The following RRBP1 variants were observed in gnomAD, a reference collection of about 807,000 sequenced individuals.
RRBP1 encodes the protein ribosome-binding protein 1.
Under a neutral mutation model 165.2 loss-of-function variants are expected in RRBP1, and 94 were observed. The ratio of observed to expected loss-of-function variants is 0.57; its 90% CI spans 0.48 to 0.68. The LOEUF is 0.68. Among genes scored for constraint, RRBP1 ranks in the 30% least tolerant of loss-of-function variants. RRBP1 has a pLI of 0.00. For synonymous variants in RRBP1, 680 were observed against 714.5 expected (o/e 0.95, Z 0.77); for missense variants, 1,676 against 1,763.0 (o/e 0.95, Z 0.88).
intron 24 of RRBP1, among the ~76,000 whole-genome samples, chr20:17,614,499 C>T (rs1397172172): frequency 6.6e-6 from 1 of 152,122 alleles, no homozygotes; most frequent in Non-Finnish European, 1.5e-5. Context: ...GGGGATCAGA[C>T]ACTCGCTTCC....
chr20:17,656,315 G>A (rs1187247740), intron 3 of RRBP1, among the ~76,000 whole-genome samples: 1 of 152,200 alleles, frequency 6.6e-6, no homozygotes, highest in Admixed American at 6.5e-5. Context: ...GCCCTGCGTG[G>A]CTGTGTGTCA....
chr20:17,622,000 C>A, intron 13 of RRBP1, 53 bp from the exon 14 acceptor site: 1 of 1,394,176 alleles, frequency 7.2e-7, no homozygotes, highest in Non-Finnish European at 1.0e-6. Flanking sequence ...AGGTGTGGGG[C>A]ACCTCCCCAG....
chr20:17,660,629 T>C, intron 2 of RRBP1, 101 bp from the exon 3 acceptor site: 1 of 717,564 alleles, frequency 1.4e-6, no homozygotes, highest in East Asian at 2.5e-5. Flanking sequence ...TAATTCTTTC[T>C]TCAGGCTAAT....
rs764805673 is a variant in RRBP1 at position 17,658,846 on chromosome 20, A to T, written c.1662T>A (p.Ala554=). 6.2e-7 allele frequency: 1 copy of T among 1,613,856 alleles called. No homozygotes were observed. Among genetic ancestry groups the T allele is most frequent in the Non-Finnish European group, 8.5e-7 (1 of 1,179,884 alleles). Residue 554 remains alanine (A), a synonymous_variant, in exon 3 of 25, where the codon GCT becomes GCA. Transcript: ENST00000377813. ...PIQGKKADSV[A]NQGTKVEGIT... ...TACCCTCTACCTTTGTGCCCTGATT[A>T]GCAACCGAATCTGCCTTTTTGCCCT...
chr20:17,617,132 G>C (rs896020234), intron 20 of RRBP1, among the ~76,000 whole-genome samples: 5 of 152,236 alleles, frequency 3.3e-5, no homozygotes, highest in African/African-American at 1.2e-4. Flanking sequence ...GGCCCACAGA[G>C]CAAAGGAATC....
At chr20:17,678,042 G>T (rs1319833908) in intron 2 of RRBP1, among the ~76,000 whole-genome samples, 1 of 152,154 alleles carries the variant, frequency 6.6e-6, no homozygotes, top group Non-Finnish European at 1.5e-5. Flanking sequence ...AAATGTTCTT[G>T]ATAAGTTAAA....
chr20:17,628,059 A>G (rs1012911689), intron 9 of RRBP1, among the ~76,000 whole-genome samples: 5 of 151,406 alleles, frequency 3.3e-5, no homozygotes, highest in African/African-American at 1.2e-4. Context: ...CCACTGCCAC[A>G]CCTCCCCCAC....
intron 2 of RRBP1, among the ~76,000 whole-genome samples, chr20:17,670,405 T>C (rs2036953901): frequency 1.3e-5 from 2 of 149,338 alleles, no homozygotes; most frequent in African/African-American, 4.9e-5. Flanking sequence ...GATTCTTTTT[T>C]TTTTTTCATT....
rs772763744 is a variant in RRBP1, at chr20:17,621,939, C to A, written c.3156G>T (p.Ser1052=). 4 of 1,612,448 alleles carry A rather than the reference C, an allele frequency of 2.5e-6. No individual in the cohort carries two copies. Among genetic ancestry groups the A allele is most frequent in the Non-Finnish European group, 2.5e-6 (3 of 1,179,138 alleles). The change falls in exon 14 of 25, where the codon TCG becomes TCT. Residue 1052 remains serine, a synonymous_variant. Coordinates refer to ENST00000377813, the MANE Select transcript of RRBP1 (RefSeq NM_001365613.2). ...CCTCAATCAGACAGAGCTGCTTCTC[C>A]GATTCCTCCTGGGGGGTGGGTGGGG... ...LLSLTQAKEE[S]EKQLCLIEAQ...
rs1417974757 is a variant in RRBP1, at chr20:17,660,085, C to G, written c.423G>C (p.Lys141Asn). 2 of 1,613,918 alleles carry G rather than the reference C, an allele frequency of 1.2e-6. No homozygotes were observed. Among genetic ancestry groups the G allele is most frequent in the South Asian group, 1.1e-5 (1 of 91,040 alleles). Residue 141 changes from lysine to asparagine, a missense_variant, in exon 3 of 25, where the codon AAG becomes AAC. Coordinates refer to ENST00000377813, the MANE Select transcript of RRBP1 (RefSeq NM_001365613.2). ...CCACTTTTGCCACTTTTTTCTCCTT[C>G]TTCTTTTTGTCCTTGGGGGAGGAGG... is the stretch of plus-strand genomic sequence containing the variant. ...KLASSPKDKK[K>N]KEKKVAKVEP...
intron 5 of RRBP1, chr20:17,641,432 T>TA (rs1402556631): frequency 3.9e-6 from 1 of 256,294 alleles, no homozygotes; most frequent in Non-Finnish European, 7.6e-6. Context: ...CACCCTCCTT[T>TA]CCAGGCACAG....
At chr20:17,635,404 G>A in intron 7 of RRBP1, 142 bp downstream of exon 7, 2 of 634,682 alleles carry the variant, frequency 3.2e-6, no homozygotes, top group South Asian at 4.3e-5. Context: ...AACCCAGACG[G>A]GAGATGGAAG....
chr20:17,627,326 G>A, intron 11 of RRBP1, 22 bp downstream of exon 11: 1 of 1,611,896 alleles, frequency 6.2e-7, no homozygotes, highest in Non-Finnish European at 8.5e-7. Context: ...AAGTGAGCAG[G>A]CAGGCTGCTT....
In RRBP1 at chr20:17,632,907, T is replaced by G. The variant is rs559385839; in HGVS notation, c.2610+553A>C. 5.3e-5 allele frequency among the ~76,000 whole-genome samples: 8 copies of G among 152,202 alleles called. No homozygotes were observed. The East Asian group carries it at 1.6e-3, about 30-fold the overall frequency. On this transcript the variant is annotated intron_variant, in intron 8 of 24. Coordinates refer to ENST00000377813, the MANE Select transcript of RRBP1 (RefSeq NM_001365613.2). ...AGGCACCCTCCTGGGAAAAAAGGCCTCAAGGCCACACCCAGAAGCTGAGAA... is the reference window on the plus strand; with the variant it reads ...AGGCACCCTCCTGGGAAAAAAGGCCGCAAGGCCACACCCAGAAGCTGAGAA...
At position 17,629,951 on chromosome 20, in the gene RRBP1, C is replaced by CTG; in HGVS notation, c.2619_2620dup (p.Arg874ThrfsTer64). On this transcript the variant is annotated frameshift_variant, in exon 9 of 25. Transcript: ENST00000377813. LOFTEE classifies it high-confidence loss of function. ...CTTCTGCAGGGCCTCCTCACTCTCC[C>CTG]TGTGGGACGCCTGGGGACGGGCAGG... is the stretch of plus-strand genomic sequence containing the variant. The CTG allele has an allele frequency of 6.3e-7, 1 of 1,596,748 alleles. No homozygotes were observed.
chr20:17,660,712 G>C lies in RRBP1; in HGVS notation c.-21-184C>G, dbSNP rs144439379. 4.6e-5 allele frequency among the ~76,000 whole-genome samples: 7 copies of C among 152,288 alleles called. No individual in the cohort carries two copies. In the East Asian group the frequency reaches 1.4e-3, roughly 29 times the overall value. On this transcript the variant is annotated intron_variant, in intron 2 of 24. Coordinates refer to ENST00000377813, the MANE Select transcript of RRBP1 (RefSeq NM_001365613.2). ...CTCACCTGCTCCTCTTTAGGAGTGAGCGATTCGTACCCAAGGCATGAGCAG... is the reference window on the plus strand; with the variant it reads ...CTCACCTGCTCCTCTTTAGGAGTGACCGATTCGTACCCAAGGCATGAGCAG...
chr20:17,614,293 G>C (rs1350349591), intron 24 of RRBP1, 73 bp from the exon 25 acceptor site: 1 of 1,471,360 alleles, frequency 6.8e-7, no homozygotes, highest in African/African-American at 1.4e-5. Flanking sequence ...CCTCTACCCT[G>C]GGCCTTTAGT....
chr20:17,620,434 T>C (rs1187944277), intron 17 of RRBP1, 64 bp from the exon 18 acceptor site: 1 of 1,450,224 alleles, frequency 6.9e-7, no homozygotes, highest in East Asian at 2.3e-5. Flanking sequence ...TCCGAGGCCA[T>C]GCTAGGACCC....
intron 24 of RRBP1, 105 bp from the exon 25 acceptor site, chr20:17,614,325 C>T (rs909713006): frequency 1.6e-5 from 16 of 1,021,370 alleles, no homozygotes; most frequent in Non-Finnish European, 2.2e-5. Context: ...TTGACCCCCT[C>T]AAGCCACTCC....
Sources: gnomAD v4.1 joint callset for allele counts (sites outside exome capture counted in the v4.1 genomes callset) on GRCh38, gnomAD v4.1.1 for gene constraint, MANE v1.5 for transcripts, NCBI Gene and HGNC (gene_info 2026-07-23, HGNC 2026-07-21) for gene names.